LUZP2: variants seen among roughly 807,000 people sequenced by gnomAD.
LUZP2 encodes the protein leucine zipper protein 2.
A neutral mutation model predicts 51.6 loss-of-function variants in LUZP2; 52 were observed. The ratio of observed to expected loss-of-function variants is 1.01; its 90% CI spans 0.81 to 1.27. The LOEUF (loss-of-function observed/expected upper bound fraction) is 1.27, where lower values mean the gene tolerates loss of function less well. Ranked by LOEUF, LUZP2 falls within the 50% of genes most tolerant of loss-of-function variation. The pLI is 0.00. For synonymous variants in LUZP2, 154 were observed against 137.3 expected, an observed-to-expected ratio of 1.12 and a Z score of -0.85; for missense variants, 436 against 395.4, an observed-to-expected ratio of 1.10 and a Z score of -0.87.
chr11:24,674,875 C>G (rs1856497310), intron 1 of LUZP2, among the ~76,000 whole-genome samples: 1 of 152,132 alleles, frequency 6.6e-6, no homozygotes, highest in Non-Finnish European at 1.5e-5. Flanking sequence ...AGAGGAATTT[C>G]AGAAATTTTA....
chr11:25,011,847 A>C (rs1565225557), intron 9 of LUZP2, among the ~76,000 whole-genome samples: 1 of 151,848 alleles, frequency 6.6e-6, no homozygotes, highest in Non-Finnish European at 1.5e-5. Flanking sequence ...GAATATTTCA[A>C]GTTCTCTTTT....
chr11:24,630,234 C>T (rs1352514143), intron 1 of LUZP2, among the ~76,000 whole-genome samples: 1 of 151,824 alleles, frequency 6.6e-6, no homozygotes, highest in East Asian at 1.9e-4. Context: ...GTTGTTTGTG[C>T]TTTTCAGGTC....
chr11:24,545,230 T>C (rs999449202), intron 1 of LUZP2, among the ~76,000 whole-genome samples: 67 of 152,104 alleles, frequency 4.4e-4, no homozygotes, highest in African/African-American at 1.6e-3. Flanking sequence ...TTGTAGGTTG[T>C]CTGTTTACTC....
At chr11:24,627,157 T>C (rs1854711935) in intron 1 of LUZP2, among the ~76,000 whole-genome samples, 1 of 152,184 alleles carries the variant, frequency 6.6e-6, no homozygotes, top group African/African-American at 2.4e-5. Context: ...GATGCTCCTA[T>C]AGTACAAAAA....
At chr11:24,536,431 T>C (rs753536380) in intron 1 of LUZP2, among the ~76,000 whole-genome samples, 10 of 151,898 alleles carry the variant, frequency 6.6e-5, no homozygotes, top group Admixed American at 2.6e-4. Context: ...GCTTAGATCT[T>C]CTGGATAACT....
At chr11:24,673,336 A>G (rs912442875) in intron 1 of LUZP2, among the ~76,000 whole-genome samples, 1 of 152,112 alleles carries the variant, frequency 6.6e-6, no homozygotes, top group African/African-American at 2.4e-5. Context: ...TATATATCCT[A>G]TATATCCTAT....
At chr11:24,761,451 A>C (rs1042472337) in intron 4 of LUZP2, among the ~76,000 whole-genome samples, 1 of 152,154 alleles carries the variant, frequency 6.6e-6, no homozygotes, top group African/African-American at 2.4e-5. Context: ...ACATTTCAAC[A>C]TGAGATTAGG....
chr11:24,903,293 A>G (rs914994375), intron 5 of LUZP2, among the ~76,000 whole-genome samples: 1 of 152,210 alleles, frequency 6.6e-6, no homozygotes, highest in Non-Finnish European at 1.5e-5. Context: ...GCAAAAATAC[A>G]TTACTTGAAC....
At chr11:25,038,767 G>A (rs1857942638) in intron 9 of LUZP2, among the ~76,000 whole-genome samples, 1 of 152,162 alleles carries the variant, frequency 6.6e-6, no homozygotes, top group Admixed American at 6.5e-5. Context: ...TTCTCATCTG[G>A]AAGGGCTAGC....
At chr11:24,647,285 T>C (rs1164647065) in intron 1 of LUZP2, among the ~76,000 whole-genome samples, 1 of 151,666 alleles carries the variant, frequency 6.6e-6, no homozygotes, top group Non-Finnish European at 1.5e-5. Context: ...ATCATTGCTG[T>C]TTTTTTTAAA....
chr11:24,739,408 G>A (rs535616398), intron 4 of LUZP2, among the ~76,000 whole-genome samples: 52 of 152,128 alleles, frequency 3.4e-4, no homozygotes, highest in African/African-American at 1.2e-3. Flanking sequence ...TTGGTTGTTT[G>A]TATTTGAAAA....
At chr11:24,555,467 G>A (rs143631089) in intron 1 of LUZP2, among the ~76,000 whole-genome samples, 35 of 152,186 alleles carry the variant, frequency 2.3e-4, no homozygotes, top group Non-Finnish European at 4.1e-4. Flanking sequence ...ATACAAATAC[G>A]CTGTGTTCAC....
intron 1 of LUZP2, among the ~76,000 whole-genome samples, chr11:24,585,009 T>A (rs1198975870): frequency 6.6e-6 from 1 of 152,156 alleles, no homozygotes; most frequent in East Asian, 1.9e-4. Context: ...TTTTTATCAA[T>A]AAGGAATTAT....
intron 4 of LUZP2, among the ~76,000 whole-genome samples, chr11:24,738,814 C>T (rs1035569220): frequency 5.3e-5 from 8 of 152,112 alleles, no homozygotes; most frequent in African/African-American, 1.4e-4. Context: ...AACTTTCTCA[C>T]CCGAAATGAT....
intron 1 of LUZP2, among the ~76,000 whole-genome samples, chr11:24,566,643 C>A (rs920335321): frequency 7.0e-6 from 1 of 142,800 alleles, no homozygotes; most frequent in Non-Finnish European, 1.5e-5. Flanking sequence ...CACACACACA[C>A]ACAAAAATTA....
intron 5 of LUZP2, among the ~76,000 whole-genome samples, chr11:24,782,070 T>C (rs1849111995): frequency 6.6e-6 from 1 of 152,094 alleles, no homozygotes; most frequent in Non-Finnish European, 1.5e-5. Context: ...GCTTCTTTAA[T>C]ATGTAGATTT....
At position 24,602,132 on chromosome 11, in the gene LUZP2, G is replaced by GTGTATATA. The variant is rs879918645; in HGVS notation, c.62+104855_62+104862dup. On this transcript the variant is annotated intron_variant, in intron 1 of 11. Coordinates refer to ENST00000336930, the MANE Select transcript of LUZP2 (RefSeq NM_001009909.4). The stretch of plus-strand genomic sequence containing the variant: ...TGTGTATATATGTATATATGTATAT[G>GTGTATATA]TGTATATATGTATATATGTATATAT... Among the ~76,000 whole-genome samples the GTGTATATA allele has an allele frequency of 4.1e-5, 3 of 73,560 alleles. 1 individual carries two copies. The highest frequency in any genetic ancestry group is 1.3e-4 in the African/African-American group (2 of 15,732). The allele number at this position is 73,560 out of a possible 152,430, so 48.3% of individuals were successfully genotyped here. A position where few individuals can be genotyped will look rare whatever the true frequency, so the allele number is the denominator to read the frequency against.
At chr11:24,826,190 A>AAAAAATAT (rs1215786412) in intron 5 of LUZP2, among the ~76,000 whole-genome samples, 33 of 67,536 alleles carry the variant, frequency 4.9e-4, no homozygotes, top group African/African-American at 7.7e-4. Context: ...AAAAAAAAAA[A>AAAAAATAT]ATATATATAT....
intron 5 of LUZP2, among the ~76,000 whole-genome samples, chr11:24,878,966 T>TA (rs1852366019): frequency 8.0e-6 from 1 of 124,576 alleles, no homozygotes; most frequent in Non-Finnish European, 1.8e-5. Flanking sequence ...TTTATTTATA[T>TA]TTTTATTTAT....
Sources: allele counts gnomAD v4.1 joint callset (sites outside exome capture counted in the v4.1 genomes callset), GRCh38; gene constraint gnomAD v4.1.1; transcripts MANE v1.5; gene names NCBI Gene and HGNC (gene_info 2026-07-23, HGNC 2026-07-21).